Variants in TRAPPC9 observed in about 807,000 individuals in gnomAD.
TRAPPC9 encodes the protein IKK2 binding protein.
In TRAPPC9, 83 loss-of-function variants were observed where a neutral mutation model predicts 124.0. The ratio of observed to expected loss-of-function variants is 0.67; its 90% CI spans 0.56 to 0.80. The LOEUF (loss-of-function observed/expected upper bound fraction) is 0.80, where lower values mean the gene tolerates loss of function less well. TRAPPC9 is among the 30% of genes least tolerant of loss of function. TRAPPC9 has a pLI of 0.00. For synonymous variants in TRAPPC9, 638 were observed against 617.5 expected (o/e 1.03, Z -0.49); for missense variants, 1,302 against 1,508.3 (o/e 0.86, Z 2.27).
chr8:139,844,368 C>G (rs747702674), intron 21 of TRAPPC9, among the ~76,000 whole-genome samples: 6 of 152,258 alleles, frequency 3.9e-5, no homozygotes, highest in Non-Finnish European at 7.3e-5. Flanking sequence ...CTGCTTTGTC[C>G]TCCCCACATG....
chr8:140,252,747 C>T lies in TRAPPC9; in HGVS notation c.2431+30G>A, dbSNP rs372466755. On this transcript the variant is annotated intron_variant, in intron 16 of 22. Coordinates refer to ENST00000438773, the MANE Select transcript of TRAPPC9 (RefSeq NM_001160372.4). This position sits in a 1 kb window ranked among gnomAD's most constrained non-coding sequence, Gnocchi z 4.2. ...TGCTACACAGTATCTAGGACCCTGA[C>T]GTGCTAATTAAAATTAGGAAAGCGC... 12 of 1,610,670 alleles carry T rather than the reference C, an allele frequency of 7.5e-6. No individual in the cohort carries two copies. The highest frequency in any genetic ancestry group is 2.2e-5 in the South Asian group (2 of 91,052).
chr8:140,025,565 C>CAAAAAAAAAAAAAA (rs11329773), intron 17 of TRAPPC9, among the ~76,000 whole-genome samples: 1 of 123,850 alleles, frequency 8.1e-6, no homozygotes. Flanking sequence ...AAGCAAAATG[C>CAAAAAAAAAAAAAA]AAAAAAAAAA....
At chr8:139,994,137 A>C (rs993370422) in intron 18 of TRAPPC9, among the ~76,000 whole-genome samples, 1 of 152,222 alleles carries the variant, frequency 6.6e-6, no homozygotes, top group Non-Finnish European at 1.5e-5. Context: ...GCCTGAGAAA[A>C]GGGTTTGCAC....
intron 21 of TRAPPC9, among the ~76,000 whole-genome samples, chr8:139,753,958 T>C (rs1311522159): frequency 6.6e-6 from 1 of 152,214 alleles, no homozygotes; most frequent in African/African-American, 2.4e-5. Context: ...CCAATCCTGC[T>C]CCTTGGCACA....
chr8:140,397,139 C>T (rs2069118783), intron 7 of TRAPPC9, among the ~76,000 whole-genome samples: 1 of 152,190 alleles, frequency 6.6e-6, no homozygotes, highest in African/African-American at 2.4e-5. Flanking sequence ...CATTATCAAT[C>T]CACAACTAAA....
In TRAPPC9 at chr8:139,809,187, CAA is replaced by C. The variant is rs150064186; in HGVS notation, c.3055+76690_3055+76691del. Among the ~76,000 whole-genome samples the C allele has an allele frequency of 6.0e-3, 910 of 152,324 alleles. 11 individuals are homozygous for C. Among genetic ancestry groups the C allele is most frequent in the East Asian group, 0.043 (221 of 5,180 alleles). On this transcript the variant is annotated intron_variant, in intron 21 of 22. Transcript: ENST00000438773. ...TTGTCCCACTTAGCATTTATCCAAA[CAA>C]GAGAGAAAAAGTCACCTTGAATTGC...
chr8:139,762,097 C>T (rs1490358454), intron 21 of TRAPPC9, among the ~76,000 whole-genome samples: 1 of 151,742 alleles, frequency 6.6e-6, no homozygotes, highest in Non-Finnish European at 1.5e-5. Context: ...TCTGAGCCAC[C>T]CAGCCCTGCA....
intron 17 of TRAPPC9, among the ~76,000 whole-genome samples, chr8:140,189,601 A>G (rs1206639462): frequency 6.6e-6 from 1 of 152,234 alleles, no homozygotes; most frequent in Admixed American, 6.5e-5. Flanking sequence ...CTGGAAGGAA[A>G]TAGGCCATAA....
At chr8:140,345,018 G>A (rs1051123066) in intron 9 of TRAPPC9, among the ~76,000 whole-genome samples, 4 of 152,258 alleles carry the variant, frequency 2.6e-5, no homozygotes, top group Non-Finnish European at 4.4e-5. Flanking sequence ...GCAGTGGGGC[G>A]GGCAGGGGCA....
intron 17 of TRAPPC9, among the ~76,000 whole-genome samples, chr8:140,102,745 C>G (rs1411983586): frequency 6.6e-6 from 1 of 152,222 alleles, no homozygotes; most frequent in Non-Finnish European, 1.5e-5. Context: ...CAAAGGCCAA[C>G]AAGAATGGCA....
chr8:139,766,779 G>A (rs1820613386), intron 21 of TRAPPC9, among the ~76,000 whole-genome samples: 1 of 152,212 alleles, frequency 6.6e-6, no homozygotes, highest in Non-Finnish European at 1.5e-5. Flanking sequence ...CTGCCCACAA[G>A]AGCTCCCCGC....
chr8:140,208,413 T>C (rs905580467), intron 17 of TRAPPC9, among the ~76,000 whole-genome samples: 5 of 152,178 alleles, frequency 3.3e-5, no homozygotes, highest in African/African-American at 1.2e-4. Context: ...ACACCAGAAG[T>C]AGCGGCAGCA....
At chr8:139,979,748 A>T (rs7821410) in intron 19 of TRAPPC9, among the ~76,000 whole-genome samples, 3 of 151,934 alleles carry the variant, frequency 2.0e-5, no homozygotes, top group Admixed American at 1.3e-4. Context: ...AAGGCTGGGG[A>T]ACCAAGAGAC....
intron 21 of TRAPPC9, among the ~76,000 whole-genome samples, chr8:139,834,077 C>T (rs187461733): frequency 2.2e-4 from 34 of 152,278 alleles, no homozygotes; most frequent in Admixed American, 8.5e-4. Context: ...GCCTCTGGAA[C>T]GAAGCAGGGT....
Position 139,731,202 on chromosome 8 carries a change from G to T in TRAPPC9, c.3306C>A (p.Cys1102Ter). The T allele has an allele frequency of 6.2e-6, 10 of 1,613,582 alleles. No homozygotes were observed. The highest frequency in any genetic ancestry group is 8.5e-6 in the Non-Finnish European group (10 of 1,179,916). The change falls in exon 23 of 23, where the codon TGC becomes TGA. Residue 1102 changes from cysteine (C) to a stop codon, truncating the protein, a stop_gained. Coordinates refer to ENST00000438773, the MANE Select transcript of TRAPPC9 (RefSeq NM_001160372.4). LOFTEE classifies it high-confidence loss of function. ...TGTAGAGGAAGAGGAGGGCCCCGAG[G>T]CAGGCCGACTGGCCGGACGGCTGCA... Reference protein sequence around the residue: ...DAVQPSGQSACLGALLFLYTG... With the variant: ...DAVQPSGQSA
chr8:140,248,520 A>G (rs544949895), intron 16 of TRAPPC9, among the ~76,000 whole-genome samples: 9 of 152,100 alleles, frequency 5.9e-5, no homozygotes, highest in Non-Finnish European at 1.2e-4. Flanking sequence ...GTCCACATCT[A>G]CTTATATTTT....
intron 17 of TRAPPC9, among the ~76,000 whole-genome samples, chr8:140,118,340 A>G (rs2060927155): frequency 6.6e-6 from 1 of 152,262 alleles, no homozygotes; most frequent in African/African-American, 2.4e-5. Flanking sequence ...ACAGGTGATT[A>G]GCAAATGTTT....
intron 17 of TRAPPC9, among the ~76,000 whole-genome samples, chr8:140,138,948 G>T (rs1014984920): frequency 6.6e-6 from 1 of 152,100 alleles, no homozygotes; most frequent in South Asian, 2.1e-4. Flanking sequence ...AACCATCACA[G>T]AAAACCGGCT....
At chr8:140,190,378 A>G (rs1036556051) in intron 17 of TRAPPC9, among the ~76,000 whole-genome samples, 2 of 152,194 alleles carry the variant, frequency 1.3e-5, no homozygotes, top group Admixed American at 6.5e-5. Context: ...GAAGTGCTTG[A>G]ACTCGGGAGC....
Sources: allele counts gnomAD v4.1 joint callset (sites outside exome capture counted in the v4.1 genomes callset), GRCh38; gene constraint gnomAD v4.1.1; non-coding constraint Gnocchi (gnomAD v3.1); transcripts MANE v1.5; gene names NCBI Gene and HGNC (gene_info 2026-07-23, HGNC 2026-07-21).